IL37: variants seen among roughly 807,000 people sequenced by gnomAD.
IL37 encodes interleukin-37.
Under a neutral mutation model 15.4 loss-of-function variants are expected in IL37, and 15 were observed. That is an observed-to-expected ratio of 0.98 (90% CI 0.65 to 1.50). The LOEUF (loss-of-function observed/expected upper bound fraction) is 1.50. Among genes scored for constraint, IL37 ranks in the 40% most tolerant of loss-of-function variants. The probability of loss-of-function intolerance (pLI) is 0.00; values close to 1 mark genes in which losing one functional copy is unlikely to be tolerated. For missense variants in IL37, 269 were observed against 261.7 expected, an observed-to-expected ratio of 1.03 and a Z score of -0.19; for synonymous variants, 98 against 97.4, an observed-to-expected ratio of 1.01 and a Z score of -0.03.
intron 4 of IL37, 56 bp from the exon 5 acceptor site, chr2:112,917,579 G>A: frequency 2.6e-6 from 4 of 1,512,130 alleles, no homozygotes; most frequent in Admixed American, 2.2e-5. Flanking sequence ...CCAGCAGACA[G>A]GAGAGACCTT....
Position 112,917,700 on chromosome 2 carries a change from C to A in IL37, c.331C>A (p.Leu111Met), listed in dbSNP as rs755178151. The A allele has an allele frequency of 1.9e-6, 3 of 1,613,484 alleles. No homozygotes were observed. Among genetic ancestry groups the A allele is most frequent in the Non-Finnish European group, 2.5e-6 (3 of 1,179,732 alleles). Residue 111 changes from leucine to methionine, a missense_variant, in exon 5 of 6, where the codon CTG becomes ATG. Physicochemically the swap from Leu to Met is conservative, Grantham distance 15. Coordinates refer to ENST00000263326, the MANE Select transcript of IL37 (RefSeq NM_014439.4). Reference sequence around the variant, plus strand: ...TGCGGAGAAAGGAAGTCCGATTCTCCTGGGGGTCTCTAAAGGGGAGTTTTG... The same window carrying A: ...TGCGGAGAAAGGAAGTCCGATTCTCATGGGGGTCTCTAAAGGGGAGTTTTG... Reference protein sequence around the residue: ...ASAEKGSPILLGVSKGEFCLY... With the variant: ...ASAEKGSPILMGVSKGEFCLY...
chr2:112,915,609 A>T (rs1191880962), intron 3 of IL37, among the ~76,000 whole-genome samples: 1 of 152,142 alleles, frequency 6.6e-6, no homozygotes, highest in Admixed American at 6.5e-5. Flanking sequence ...TAGCTCGGTG[A>T]CTCTCAGTCA....
At chr2:112,917,586 C>A in intron 4 of IL37, 49 bp from the exon 5 acceptor site, 1 of 1,520,936 alleles carries the variant, frequency 6.6e-7, no homozygotes. Flanking sequence ...ACAGGAGAGA[C>A]CTTTCCCTGC....
At chr2:112,915,653 G>A (rs181851760) in intron 3 of IL37, among the ~76,000 whole-genome samples, 1 of 152,292 alleles carries the variant, frequency 6.6e-6, no homozygotes, top group Non-Finnish European at 1.5e-5. Context: ...AGACTGCCTG[G>A]GATGGGCCCA....
At chr2:112,911,453 G>A (rs1361220065) in intron 1 of IL37, among the ~76,000 whole-genome samples, 1 of 152,226 alleles carries the variant, frequency 6.6e-6, no homozygotes, top group Non-Finnish European at 1.5e-5. Flanking sequence ...CCACTAACAA[G>A]TAGGGCATTG....
At chr2:112,914,809 G>C (rs1198558250) in intron 3 of IL37, among the ~76,000 whole-genome samples, 1 of 152,148 alleles carries the variant, frequency 6.6e-6, no homozygotes. Flanking sequence ...CTCCAAGTCT[G>C]GTCCTCAAAC....
chr2:112,912,392 C>T (rs1683196524), intron 1 of IL37, among the ~76,000 whole-genome samples: 1 of 152,128 alleles, frequency 6.6e-6, no homozygotes, highest in South Asian at 2.1e-4. Flanking sequence ...CATTTGGTGG[C>T]TTAGGTTTTC....
rs758774302 is a variant in IL37, at chr2:112,913,873, G to T, written c.145+19G>T. 11 of 1,604,870 alleles carry T rather than the reference G, an allele frequency of 6.9e-6. No individual in the cohort carries two copies. In the Admixed American group the frequency reaches 1.2e-4, roughly 17 times the overall value. On this transcript the variant is annotated intron_variant, in intron 3 of 5. Coordinates refer to ENST00000263326, the MANE Select transcript of IL37 (RefSeq NM_014439.4). ...CACACAAGTAAGGCCTCGGGGTGAG[G>T]TGATGGGGGTGGCTGAGGTGCGAGG...
intron 3 of IL37, among the ~76,000 whole-genome samples, chr2:112,915,015 G>T (rs575388648): frequency 6.6e-6 from 1 of 152,164 alleles, no homozygotes; most frequent in African/African-American, 2.4e-5. Flanking sequence ...GCTGGCGCTG[G>T]CACTGATGTT....
intron 3 of IL37, among the ~76,000 whole-genome samples, chr2:112,915,893 C>T (rs7563305): frequency 0.17 from 25,406 of 152,130 alleles, 2,386 homozygotes; most frequent in Middle Eastern, 0.31. Flanking sequence ...TATAGGGCAG[C>T]GAGCCAAGGA....
intron 2 of IL37, among the ~76,000 whole-genome samples, chr2:112,913,346 T>C (rs1361642115): frequency 6.6e-6 from 1 of 152,224 alleles, no homozygotes; most frequent in African/African-American, 2.4e-5. Flanking sequence ...TTTAGCATCC[T>C]GTTTGCCAAC....
In IL37 at chr2:112,918,722, A is replaced by C. The variant is rs374056270; in HGVS notation, c.570A>C (p.Thr190=). 1.2e-5 allele frequency: 20 copies of C among 1,614,048 alleles called. No homozygotes were observed. In the East Asian group the frequency reaches 4.0e-4, roughly 32 times the overall value. The change falls in exon 6 of 6, where the codon ACA becomes ACC. Residue 190 remains threonine, a synonymous_variant. Transcript: ENST00000263326. ...ATTGTAATGAGCCTGTTGGGGTGAC[A>C]GATAAATTTGAGAACAGGAAACACA... ...SCNCNEPVGV[T]DKFENRKHIE...
intron 1 of IL37, among the ~76,000 whole-genome samples, chr2:112,912,237 T>C (rs1683191990): frequency 6.6e-6 from 1 of 152,180 alleles, no homozygotes; most frequent in African/African-American, 2.4e-5. Context: ...TATGTTGGCC[T>C]GGGCTGATGT....
At chr2:112,917,569 C>G (rs972387615) in intron 4 of IL37, 66 bp from the exon 5 acceptor site, 4 of 1,483,332 alleles carry the variant, frequency 2.7e-6, no homozygotes, top group Non-Finnish European at 2.7e-6. Context: ...GCCTGAAACC[C>G]CAGCAGACAG....
At chr2:112,916,972 T>C (rs932311945) in intron 3 of IL37, among the ~76,000 whole-genome samples, 157 bp from the exon 4 acceptor site, 4 of 152,180 alleles carry the variant, frequency 2.6e-5, no homozygotes, top group Admixed American at 6.5e-5. Context: ...CCCAGCAAGA[T>C]AGAAAGCCTG....
intron 3 of IL37, chr2:112,915,132 T>C: frequency 6.6e-7 from 1 of 1,503,952 alleles, no homozygotes; most frequent in Non-Finnish European, 9.2e-7. Flanking sequence ...TCAAGGATCA[T>C]GAGCGAGAAC....
At chr2:112,917,276 T>C in intron 4 of IL37, 28 bp downstream of exon 4, 2 of 1,612,720 alleles carry the variant, frequency 1.2e-6, no homozygotes, top group Non-Finnish European at 1.7e-6. Context: ...CTGTGTTTTC[T>C]GCCTCCACCT....
chr2:112,917,555 T>C, intron 4 of IL37, 80 bp from the exon 5 acceptor site: 3 of 1,392,000 alleles, frequency 2.2e-6, no homozygotes, highest in Non-Finnish European at 9.7e-7. Context: ...GGACTGTGCA[T>C]CAGGCCTGAA....
chr2:112,916,424 C>T (rs141030541), intron 3 of IL37, among the ~76,000 whole-genome samples: 6 of 152,150 alleles, frequency 3.9e-5, no homozygotes, highest in African/African-American at 7.2e-5. Flanking sequence ...TAGGAGCCCA[C>T]GCCCTAAGAA....
Sources: gnomAD v4.1 joint callset for allele counts (sites outside exome capture counted in the v4.1 genomes callset) on GRCh38, gnomAD v4.1.1 for gene constraint, MANE v1.5 for transcripts, NCBI Gene and HGNC (gene_info 2026-07-23, HGNC 2026-07-21) for gene names.